Variants in ANKS6 observed in about 807,000 individuals in gnomAD.
ANKS6 encodes the protein ankyrin repeat and SAM domain-containing protein 6.
In ANKS6, 47 loss-of-function variants were observed where a neutral mutation model predicts 77.9. The ratio of observed to expected loss-of-function variants is 0.60; its 90% CI spans 0.48 to 0.77. The LOEUF is 0.77. Ranked by LOEUF, ANKS6 falls within the 30% of genes least tolerant of loss-of-function variation. The probability of loss-of-function intolerance (pLI) is 0.00; values close to 1 mark genes in which losing one functional copy is unlikely to be tolerated. For synonymous variants in ANKS6, 488 were observed against 501.7 expected, an observed-to-expected ratio of 0.97 and a Z score of 0.37; for missense variants, 1,150 against 1,159.1, an observed-to-expected ratio of 0.99 and a Z score of 0.11.
intron 3 of ANKS6, 114 bp downstream of exon 3, chr9:98,784,718 G>T (rs772193000): frequency 3.4e-5 from 33 of 979,368 alleles, no homozygotes; most frequent in African/African-American, 4.9e-5. Flanking sequence ...ACACCAAAAT[G>T]CCTGTTTCTT....
intron 14 of ANKS6, among the ~76,000 whole-genome samples, chr9:98,739,857 G>A (rs368860769): frequency 7.5e-6 from 1 of 133,890 alleles, no homozygotes; most frequent in African/African-American, 2.9e-5. Context: ...TGGGGTTCAC[G>A]CCATTCTCCT....
rs1564217508 is a variant in ANKS6 at position 98,782,532 on chromosome 9, T to A, written c.1154A>T (p.Asp385Val). The A allele has an allele frequency of 1.2e-6, 2 of 1,614,182 alleles. No individual in the cohort carries two copies. Among genetic ancestry groups the A allele is most frequent in the Non-Finnish European group, 1.7e-6 (2 of 1,180,022 alleles). Residue 385 changes from aspartate (D) to valine (V), a missense_variant, in exon 5 of 15, where the codon GAT becomes GTT. Transcript: ENST00000353234. ...TCCATTTTTTGCACGAAGAGTGACA[T>A]CGGCCCCTTGGTTTAGCAGATATTT... ...IVKYLLNQGA[D>V]VTLRAKNGYT...
At chr9:98,753,787 T>C (rs1355666162) in intron 12 of ANKS6, among the ~76,000 whole-genome samples, 1 of 152,058 alleles carries the variant, frequency 6.6e-6, no homozygotes, top group African/African-American at 2.4e-5. Flanking sequence ...ACTGCAGGTA[T>C]GAGATATACA....
At chr9:98,749,490 G>C (rs1343033531) in intron 13 of ANKS6, among the ~76,000 whole-genome samples, 1 of 152,136 alleles carries the variant, frequency 6.6e-6, no homozygotes, top group Non-Finnish European at 1.5e-5. Flanking sequence ...AACAACCTCT[G>C]AACGATGAAG....
intron 11 of ANKS6, among the ~76,000 whole-genome samples, chr9:98,766,979 G>C (rs1208661203): frequency 6.6e-6 from 1 of 152,166 alleles, no homozygotes; most frequent in African/African-American, 2.4e-5. Flanking sequence ...CACTACTGGG[G>C]AGTCACTTGG....
At chr9:98,739,615 C>G (rs1274811750) in intron 14 of ANKS6, among the ~76,000 whole-genome samples, 2 of 152,194 alleles carry the variant, frequency 1.3e-5, no homozygotes, top group East Asian at 3.9e-4. Flanking sequence ...ATTGCAGCAC[C>G]ATTTATACAA....
intron 12 of ANKS6, among the ~76,000 whole-genome samples, chr9:98,753,398 T>C (rs1832530643): frequency 6.6e-6 from 1 of 152,212 alleles, no homozygotes; most frequent in African/African-American, 2.4e-5. Context: ...ATTTTCTCAA[T>C]TTTTTGTGCT....
At chr9:98,767,143 C>T (rs749527147) in intron 11 of ANKS6, among the ~76,000 whole-genome samples, 3 of 152,208 alleles carry the variant, frequency 2.0e-5, no homozygotes, top group Non-Finnish European at 2.9e-5. Context: ...TTCTTGCTTA[C>T]TGCATTATCT....
In ANKS6 at chr9:98,796,406, A is replaced by G; in HGVS notation, c.86T>C (p.Leu29Pro). ...QGDTETARRL[L>P]EPGAAEPAER... is the part of the protein sequence containing the mutation. ...GGCTGGCTCCGCCGCCCCCGGCTCC[A>G]GCAGCCGCCGCGCCGTCTCCGTGTC... Residue 29 changes from leucine (L) to proline (P), a missense_variant, in exon 1 of 15, where the codon CTG becomes CCG. Physicochemically the swap from Leu to Pro is moderately conservative, Grantham distance 98 (BLOSUM62 -3). Coordinates refer to ENST00000353234, the MANE Select transcript of ANKS6 (RefSeq NM_173551.5). 1.0e-6 allele frequency: 1 copy of G among 995,880 alleles called. No homozygotes were observed. Among genetic ancestry groups the G allele is most frequent in the Non-Finnish European group, 1.2e-6 (1 of 839,064 alleles). 61.7% of individuals were successfully genotyped at this position (995,880 alleles called of 1,614,324 possible).
At position 98,735,058 on chromosome 9, in the gene ANKS6, C is replaced by A. The variant is rs1261314322; in HGVS notation, c.*1461G>T. On this transcript the variant is annotated 3_prime_UTR_variant, in exon 15 of 15. Coordinates refer to ENST00000353234, the MANE Select transcript of ANKS6 (RefSeq NM_173551.5). Reference sequence around the variant, plus strand: ...GGGGAGGGACAGATGAGAGATGGCACCTCCCAAGGAGACCAACTTGTGGCT... The same window carrying A: ...GGGGAGGGACAGATGAGAGATGGCAACTCCCAAGGAGACCAACTTGTGGCT... The A allele has an allele frequency of 2.0e-6, 2 of 985,214 alleles. No homozygotes were observed. The highest frequency in any genetic ancestry group is 2.4e-6 in the Non-Finnish European group (2 of 829,928). The allele number at this position is 985,214 out of a possible 1,614,324, so 61.0% of individuals were successfully genotyped here. A position where few individuals can be genotyped will look rare whatever the true frequency, so the allele number is the denominator to read the frequency against.
chr9:98,751,245 C>CTG (rs1832415008), intron 12 of ANKS6, 149 bp from the exon 13 acceptor site: 2 of 684,560 alleles, frequency 2.9e-6, no homozygotes, highest in Non-Finnish European at 4.8e-6. Flanking sequence ...TGGACTCCTG[C>CTG]AGATGAGGCT....
At chr9:98,780,474 C>T in intron 5 of ANKS6, 137 bp from the exon 6 acceptor site, 2 of 1,042,630 alleles carry the variant, frequency 1.9e-6, no homozygotes, top group Non-Finnish European at 1.4e-6. Context: ...ATCAAGGCAC[C>T]TGCCTCTCCA....
At chr9:98,744,301 C>T (rs996074147) in intron 14 of ANKS6, among the ~76,000 whole-genome samples, 1 of 152,212 alleles carries the variant, frequency 6.6e-6, no homozygotes, top group African/African-American at 2.4e-5. Context: ...AAAACCACCA[C>T]CTCCAATCCT....
rs1343329979 is a variant in ANKS6, at chr9:98,734,927, A to G, written c.*1592T>C. 1.0e-6 allele frequency: 1 copy of G among 985,338 alleles called. No homozygotes were observed. The highest frequency in any genetic ancestry group is 1.2e-6 in the Non-Finnish European group (1 of 829,964). 61.0% of individuals were successfully genotyped at this position (985,338 alleles called of 1,614,324 possible). A position where few individuals can be genotyped will look rare whatever the true frequency, so the allele number is the denominator to read the frequency against. On this transcript the variant is annotated 3_prime_UTR_variant, in exon 15 of 15. Transcript: ENST00000353234. Reference sequence around the variant, plus strand: ...GTGTAAGGCTGAGAGAATTTAAAGGAAAAACACCCAACCATCAGGGCAGGG... The same window carrying G: ...GTGTAAGGCTGAGAGAATTTAAAGGGAAAACACCCAACCATCAGGGCAGGG...
At chr9:98,762,173 A>C (rs1008938207) in intron 11 of ANKS6, among the ~76,000 whole-genome samples, 2 of 152,226 alleles carry the variant, frequency 1.3e-5, no homozygotes, top group African/African-American at 2.4e-5. Flanking sequence ...TAAATGTATT[A>C]TATTTTTAAA....
chr9:98,754,637 G>A (rs893862468), intron 12 of ANKS6, among the ~76,000 whole-genome samples: 5 of 149,982 alleles, frequency 3.3e-5, no homozygotes, highest in Admixed American at 2.0e-4. Flanking sequence ...GCAAGCCTCC[G>A]TCTCAAAAAA....
rs1200617108 is a variant in ANKS6 at position 98,774,125 on chromosome 9, C to G, written c.1618-45G>C. ...GGTTAGACAAGCCCCCAGGAGGGCT[C>G]CCAACTCTGCAGGAAAGACTCCATG... On this transcript the variant is annotated intron_variant, in intron 8 of 14. Coordinates refer to ENST00000353234, the MANE Select transcript of ANKS6 (RefSeq NM_173551.5). 9 of 1,387,428 alleles carry G rather than the reference C, an allele frequency of 6.5e-6. No homozygotes were observed. In the East Asian group the frequency reaches 1.4e-4, roughly 21 times the overall value. 85.9% of individuals were successfully genotyped at this position (1,387,428 alleles called of 1,614,324 possible).
chr9:98,781,251 A>G (rs1834236918), intron 5 of ANKS6, among the ~76,000 whole-genome samples: 1 of 152,148 alleles, frequency 6.6e-6, no homozygotes. Flanking sequence ...TTTCTTCAAA[A>G]GTTTTGTGTA....
rs376760447 is a variant in ANKS6 at position 98,783,942 on chromosome 9, C to T, written c.1112+11G>A. On this transcript the variant is annotated intron_variant, in intron 4 of 14. Coordinates refer to ENST00000353234, the MANE Select transcript of ANKS6 (RefSeq NM_173551.5). ...TGGCCTTGTCGCTGAGGGCGTGGGG[C>T]TGGCACTGACCCATGGTAGGTTGCC... 242 of 1,566,926 alleles carry T rather than the reference C, an allele frequency of 1.5e-4. 1 individual carries two copies. In the African/African-American group the frequency reaches 2.8e-3, roughly 18 times the overall value.
Sources: gnomAD v4.1 joint callset for allele counts (sites outside exome capture counted in the v4.1 genomes callset) on GRCh38, gnomAD v4.1.1 for gene constraint, MANE v1.5 for transcripts, NCBI Gene and HGNC (gene_info 2026-07-23, HGNC 2026-07-21) for gene names.